The following POU4F2 variants were observed in gnomAD, a reference collection of about 807,000 sequenced individuals.
POU4F2 encodes the protein POU domain, class 4, transcription factor 2.
Under a neutral mutation model 21.5 loss-of-function variants are expected in POU4F2, and 10 were observed. The ratio of observed to expected loss-of-function variants is 0.46; its 90% CI spans 0.29 to 0.79. POU4F2 has a LOEUF of 0.79. Among genes scored for constraint, POU4F2 ranks in the 30% least tolerant of loss-of-function variants. The pLI is 0.10. For synonymous variants in POU4F2, 324 were observed against 271.1 expected (o/e 1.20, Z -1.92); for missense variants, 623 against 603.3 (o/e 1.03, Z -0.34).
chr4:146,640,397 G>C lies in POU4F2; in HGVS notation c.819G>C (p.Gly273=). The change falls in exon 2 of 2, where the codon GGG becomes GGC. Residue 273 remains glycine, a synonymous_variant. Transcript: ENST00000281321. This position sits in a 1 kb window ranked among gnomAD's most constrained non-coding sequence, Gnocchi z 4.8. The part of the protein sequence containing the change: ...ERFKQRRIKL[G]VTQADVGSAL... Reference sequence around the variant, plus strand: ...TCAAGCAGCGACGCATCAAGCTGGGGGTGACCCAGGCAGATGTGGGCTCCG... The same window carrying C: ...TCAAGCAGCGACGCATCAAGCTGGGCGTGACCCAGGCAGATGTGGGCTCCG... 2 of 1,609,078 alleles carry C rather than the reference G, an allele frequency of 1.2e-6. No individual in the cohort carries two copies. The highest frequency in any genetic ancestry group is 1.7e-6 in the Non-Finnish European group (2 of 1,179,046).
At position 146,639,281 on chromosome 4, in the gene POU4F2, C is replaced by G. The variant is rs752858301; in HGVS notation, c.141C>G (p.Pro47=). The G allele has an allele frequency of 5.1e-6, 8 of 1,558,482 alleles. No individual in the cohort carries two copies. The highest frequency in any genetic ancestry group is 6.9e-6 in the Non-Finnish European group (8 of 1,156,280). The change falls in exon 1 of 2, where the codon CCC becomes CCG. Residue 47 remains proline (P), a synonymous_variant. Transcript: ENST00000281321. ...CCATCGCGCCCTCGGCCAGCTCCCC[C>G]AGCAGCTCGAGCAACGCTGGTGGTG... ...SAPIAPSASS[P]SSSSNAGGGG...
Position 146,639,979 on chromosome 4 carries a change from G to A in POU4F2, c.401G>A (p.Ser134Asn), listed in dbSNP as rs542500694. The part of the protein sequence containing the change: ...KSHHHHPPHH[S>N]PFKPDATYHT... Reference sequence around the variant, plus strand: ...CACCACCACCATCCACCCCACCACAGCCCCTTCAAACCGGACGCCACCTAC... The same window carrying A: ...CACCACCACCATCCACCCCACCACAACCCCTTCAAACCGGACGCCACCTAC... The change falls in exon 2 of 2, where the codon AGC becomes AAC. Residue 134 changes from serine to asparagine, a missense_variant. Around this residue, in one of 3 missense-constraint regions of POU4F2, gnomAD observed 523 missense variants for 504.1 expected, o/e 1.04. Coordinates refer to ENST00000281321, the MANE Select transcript of POU4F2 (RefSeq NM_004575.3). 1.2e-6 allele frequency: 2 copies of A among 1,612,914 alleles called. No homozygotes were observed. Among genetic ancestry groups the A allele is most frequent in the East Asian group, 4.5e-5 (2 of 44,844 alleles).
Position 146,639,360 on chromosome 4 carries a change from A to AGCAGCAGTG in POU4F2, c.228_236dup (p.Ser78_Gly80dup). The AGCAGCAGTG allele has an allele frequency of 6.7e-7, 1 of 1,485,884 alleles. No individual in the cohort carries two copies. 92.0% of individuals were successfully genotyped at this position (1,485,884 alleles called of 1,614,324 possible). Reference sequence around the variant, plus strand: ...CGGCGGAGGCCGAAGCAGCAGCTCCAGCAGCAGTGGCAGCAGCGGCGGCGG... The same window carrying AGCAGCAGTG: ...CGGCGGAGGCCGAAGCAGCAGCTCCAGCAGCAGTGGCAGCAGTGGCAGCAGCGGCGGCGG... On this transcript the variant is annotated inframe_insertion, in exon 1 of 2. Transcript: ENST00000281321.
In POU4F2 at chr4:146,640,589, T is replaced by C; in HGVS notation, c.1011T>C (p.Pro337=). 1 of 1,614,114 alleles carries C rather than the reference T, an allele frequency of 6.2e-7. No homozygotes were observed. The highest frequency in any genetic ancestry group is 8.5e-7 in the Non-Finnish European group (1 of 1,179,964). The change falls in exon 2 of 2, where the codon CCT becomes CCC. Residue 337 remains proline (P), a synonymous_variant. Transcript: ENST00000281321. The surrounding 1 kb of genome is among the most constrained non-coding windows in gnomAD (Gnocchi z 4.8). ...CCCACCGCGAGAAGCTCACCAAGCC[T>C]GAACTCTTCAATGGCGCGGAGAAGA... The part of the protein sequence containing the change: ...EKSHREKLTK[P]ELFNGAEKKR...
At position 146,639,339 on chromosome 4, in the gene POU4F2, G is replaced by GGCA. The variant is rs1740823745; in HGVS notation, c.200_201insCAG (p.Gly67_Gly68insArg). On this transcript the variant is annotated inframe_insertion, in exon 1 of 2. Coordinates refer to ENST00000281321, the MANE Select transcript of POU4F2 (RefSeq NM_004575.3). ...CGGCGGCGGCGGCGGCGGCGGCGGCGGAGGCCGAAGCAGCAGCTCCAGCAG... is the reference window on the plus strand; with the variant it reads ...CGGCGGCGGCGGCGGCGGCGGCGGCGGCAGAGGCCGAAGCAGCAGCTCCAGCAG... 2.8e-6 allele frequency: 4 copies of GGCA among 1,452,338 alleles called. No homozygotes were observed. The highest frequency in any genetic ancestry group is 2.6e-5 in the Admixed American group (1 of 38,814). The allele number at this position is 1,452,338 out of a possible 1,614,324, so 90.0% of individuals were successfully genotyped here.
intron 1 of POU4F2, 30 bp from the exon 2 acceptor site, chr4:146,639,837 G>C: frequency 6.6e-7 from 1 of 1,514,158 alleles, no homozygotes; most frequent in Admixed American, 2.2e-5. Flanking sequence ...CCTGCTGAGC[G>C]TAATGTGTGC....
rs980562214 is a variant in POU4F2 at position 146,640,306 on chromosome 4, C to T, written c.728C>T (p.Ser243Leu). 6.4e-7 allele frequency: 1 copy of T among 1,564,584 alleles called. No individual in the cohort carries two copies. The highest frequency in any genetic ancestry group is 1.3e-5 in the African/African-American group (1 of 74,122). The part of the protein sequence containing the change: ...LSMAHAHGLP[S>L]HMGCMSDVDA... ...ATGGCCCACGCGCACGGGCTGCCGT[C>T]GCACATGGGCTGCATGAGCGACGTG... The change falls in exon 2 of 2, where the codon TCG becomes TTG. Residue 243 changes from serine (S) to leucine (L), a missense_variant. Transcript: ENST00000281321. This position sits in a 1 kb window ranked among gnomAD's most constrained non-coding sequence, Gnocchi z 4.8.
Position 146,638,943 on chromosome 4 carries a change from G to A in POU4F2, c.-198G>A, listed in dbSNP as rs992957614. ...TAGCGGCAAGCGGAGTCAGGCATCC[G>A]TTCAGACTGACAGCAGAGGCGGCGA... is the stretch of plus-strand genomic sequence containing the variant. On this transcript the variant is annotated 5_prime_UTR_variant, in exon 1 of 2. Transcript: ENST00000281321. 4 of 655,804 alleles carry A rather than the reference G, an allele frequency of 6.1e-6. No individual in the cohort carries two copies. Among genetic ancestry groups the A allele is most frequent in the Middle Eastern group, 4.2e-4 (1 of 2,376 alleles). 40.6% of individuals were successfully genotyped at this position (655,804 alleles called of 1,614,324 possible).
intron 1 of POU4F2, 78 bp from the exon 2 acceptor site, chr4:146,639,789 C>T (rs948789196): frequency 9.2e-6 from 13 of 1,417,626 alleles, no homozygotes; most frequent in African/African-American, 1.5e-5. Context: ...CGGTGTCGAG[C>T]CCTGGGCCGG....
In POU4F2 at chr4:146,640,361, C is replaced by T; in HGVS notation, c.783C>T (p.Phe261=). ...VDADPRDLEA[F]AERFKQRRIK... Reference sequence around the variant, plus strand: ...CCGACCCGCGGGACCTGGAGGCATTCGCCGAGCGCTTCAAGCAGCGACGCA... The same window carrying T: ...CCGACCCGCGGGACCTGGAGGCATTTGCCGAGCGCTTCAAGCAGCGACGCA... The change falls in exon 2 of 2, where the codon TTC becomes TTT. Residue 261 remains phenylalanine, a synonymous_variant. Coordinates refer to ENST00000281321, the MANE Select transcript of POU4F2 (RefSeq NM_004575.3). The surrounding 1 kb of genome is among the most constrained non-coding windows in gnomAD (Gnocchi z 4.8). 2 of 1,596,092 alleles carry T rather than the reference C, an allele frequency of 1.3e-6. No homozygotes were observed. Among genetic ancestry groups the T allele is most frequent in the African/African-American group, 1.3e-5 (1 of 74,880 alleles).
Position 146,640,343 on chromosome 4 carries a change from G to A in POU4F2, c.765G>A (p.Pro255=), listed in dbSNP as rs1227673194. The stretch of plus-strand genomic sequence containing the variant: ...GCATGAGCGACGTGGACGCCGACCC[G>A]CGGGACCTGGAGGCATTCGCCGAGC... ...MGCMSDVDAD[P]RDLEAFAERF... The change falls in exon 2 of 2, where the codon CCG becomes CCA. Residue 255 remains proline, a synonymous_variant. Coordinates refer to ENST00000281321, the MANE Select transcript of POU4F2 (RefSeq NM_004575.3). The surrounding 1 kb of genome is among the most constrained non-coding windows in gnomAD (Gnocchi z 4.8). The A allele has an allele frequency of 2.5e-6, 4 of 1,585,322 alleles. No individual in the cohort carries two copies. The highest frequency in any genetic ancestry group is 1.7e-5 in the Admixed American group (1 of 58,528).
chr4:146,639,295 A>G lies in POU4F2; in HGVS notation c.155A>G (p.Asn52Ser), dbSNP rs543500000. ...PSASSPSSSS[N>S]AGGGGGGGGG... ...GCCAGCTCCCCCAGCAGCTCGAGCA[A>G]CGCTGGTGGTGGCGGCGGCGGCGGC... is the stretch of plus-strand genomic sequence containing the variant. The change falls in exon 1 of 2, where the codon AAC (asparagine) becomes AGC (serine). Residue 52 changes from asparagine (N) to serine (S), a missense_variant. By Grantham distance (46) the Asn-to-Ser change is conservative (BLOSUM62 1). Coordinates refer to ENST00000281321, the MANE Select transcript of POU4F2 (RefSeq NM_004575.3). 6.7e-6 allele frequency: 10 copies of G among 1,493,866 alleles called. No homozygotes were observed. In the South Asian group the frequency reaches 1.2e-4, roughly 17 times the overall value. The allele number at this position is 1,493,866 out of a possible 1,614,324, so 92.5% of individuals were successfully genotyped here. A position where few individuals can be genotyped will look rare whatever the true frequency, so the allele number is the denominator to read the frequency against.
chr4:146,640,989 A>G lies in POU4F2; in HGVS notation c.*181A>G. On this transcript the variant is annotated 3_prime_UTR_variant, in exon 2 of 2. Transcript: ENST00000281321. This position sits in a 1 kb window ranked among gnomAD's most constrained non-coding sequence, Gnocchi z 4.8. ...GAGCCCAAGCCGGTGAGAATGTGAA[A>G]CAGTTTCTCAAAGGAAAGAATAACA... 1 of 604,604 alleles carries G rather than the reference A, an allele frequency of 1.7e-6. No individual in the cohort carries two copies. The highest frequency in any genetic ancestry group is 3.1e-5 in the South Asian group (1 of 32,668). The allele number at this position is 604,604 out of a possible 1,614,324, so 37.5% of individuals were successfully genotyped here.
At position 146,640,491 on chromosome 4, in the gene POU4F2, C is replaced by G; in HGVS notation, c.913C>G (p.Leu305Val). Residue 305 changes from leucine (L) to valine (V), a missense_variant, in exon 2 of 2, where the codon CTC becomes GTC. Coordinates refer to ENST00000281321, the MANE Select transcript of POU4F2 (RefSeq NM_004575.3). This position sits in a 1 kb window ranked among gnomAD's most constrained non-coding sequence, Gnocchi z 4.8. ...SQSTICRFES[L>V]TLSHNNMIAL... ...GAGCACCATCTGCAGGTTCGAGTCC[C>G]TCACACTGTCCCACAATAATATGAT... 6.2e-7 allele frequency: 1 copy of G among 1,614,170 alleles called. No individual in the cohort carries two copies. The highest frequency in any genetic ancestry group is 8.5e-7 in the Non-Finnish European group (1 of 1,180,026).
In POU4F2 at chr4:146,639,033, C is replaced by T; in HGVS notation, c.-108C>T. 7.0e-7 allele frequency: 1 copy of T among 1,426,878 alleles called. No homozygotes were observed. The highest frequency in any genetic ancestry group is 9.3e-7 in the Non-Finnish European group (1 of 1,071,402). 88.4% of individuals were successfully genotyped at this position (1,426,878 alleles called of 1,614,324 possible). A position where few individuals can be genotyped will look rare whatever the true frequency, so the allele number is the denominator to read the frequency against. On this transcript the variant is annotated 5_prime_UTR_variant, in exon 1 of 2. Transcript: ENST00000281321. ...GCGGCGGCGGGTGAGCTCAACTTCG[C>T]ACAGCCCTTCCCAGCTCCAGCCCCG...
rs60422325 is a variant in POU4F2 at position 146,641,856 on chromosome 4, T to TACACACACACACACACAC, written c.*1057_*1074dup. 15 of 148,704 alleles carry TACACACACACACACACAC rather than the reference T, an allele frequency of 1.0e-4. No individual in the cohort carries two copies. Among genetic ancestry groups the TACACACACACACACACAC allele is most frequent in the African/African-American group, 3.5e-4 (14 of 40,370 alleles). 9.2% of individuals were successfully genotyped at this position (148,704 alleles called of 1,614,324 possible). A position where few individuals can be genotyped will look rare whatever the true frequency, so the allele number is the denominator to read the frequency against. On this transcript the variant is annotated 3_prime_UTR_variant, in exon 2 of 2. Transcript: ENST00000281321. ...ACACATGAGCGCTCTCACTTACCCT[T>TACACACACACACACACAC]ACACACACACACACACACACACACA...
Position 146,639,223 on chromosome 4 carries a change from C to T in POU4F2, c.83C>T (p.Ala28Val). 6.3e-7 allele frequency: 1 copy of T among 1,597,874 alleles called. No individual in the cohort carries two copies. Among genetic ancestry groups the T allele is most frequent in the Non-Finnish European group, 8.5e-7 (1 of 1,173,796 alleles). The change falls in exon 1 of 2, where the codon GCA (alanine) becomes GTA (valine). Residue 28 changes from alanine to valine, a missense_variant. This residue lies in a region of POU4F2 where 94 missense variants were observed against 74.1 expected (regional missense o/e 1.27). Coordinates refer to ENST00000281321, the MANE Select transcript of POU4F2 (RefSeq NM_004575.3). ...CTGCACGTGGAGCCCAAGTACTCGG[C>T]ACTGCACAGCACCTCGCCGGGCTCC... ...GSLHVEPKYS[A>V]LHSTSPGSSA...
intron 1 of POU4F2, 115 bp downstream of exon 1, chr4:146,639,543 C>A: frequency 7.4e-7 from 1 of 1,359,374 alleles, no homozygotes; most frequent in East Asian, 2.7e-5. Flanking sequence ...AACCAATTTT[C>A]CCCTCTCTCT....
chr4:146,640,235 G>C lies in POU4F2; in HGVS notation c.657G>C (p.Ala219=), dbSNP rs1413683527. The change falls in exon 2 of 2, where the codon GCG becomes GCC. Residue 219 remains alanine, a synonymous_variant. Coordinates refer to ENST00000281321, the MANE Select transcript of POU4F2 (RefSeq NM_004575.3). This position sits in a 1 kb window ranked among gnomAD's most constrained non-coding sequence, Gnocchi z 4.8. ...CTGTGGTGTCCACGCCGGCTCACGC[G>C]CCGCACATGGCCACCATGAACCCCA... ...DGAVVSTPAH[A]PHMATMNPMH... The C allele has an allele frequency of 5.7e-6, 9 of 1,578,488 alleles. No homozygotes were observed. Among genetic ancestry groups the C allele is most frequent in the Non-Finnish European group, 7.7e-6 (9 of 1,168,234 alleles).
Sources: gnomAD v4.1 joint callset for allele counts on GRCh38, gnomAD v4.1.1 for gene constraint, gnomAD v4.1.1 regional missense constraint, Gnocchi (gnomAD v3.1) non-coding constraint, MANE v1.5 for transcripts, NCBI Gene and HGNC (gene_info 2026-07-23, HGNC 2026-07-21) for gene names.